The following KCNIP4 variants were observed in gnomAD, a reference collection of about 807,000 sequenced individuals.
KCNIP4 encodes the protein Kv channel-interacting protein 4.
Under a neutral mutation model 34.0 loss-of-function variants are expected in KCNIP4, and 12 were observed. The observed-to-expected ratio is 0.35, with a 90% confidence interval of 0.23 to 0.57. The LOEUF is 0.57. Ranked by LOEUF, KCNIP4 falls within the 20% of genes least tolerant of loss-of-function variation. The pLI is 0.83. For missense variants in KCNIP4, 238 were observed against 311.7 expected (o/e 0.76, Z 1.78); for synonymous variants, 124 against 102.2 (o/e 1.21, Z -1.29).
intron 1 of KCNIP4, among the ~76,000 whole-genome samples, chr4:21,188,050 T>C (rs1349014760): frequency 6.6e-6 from 1 of 152,204 alleles, no homozygotes; most frequent in Non-Finnish European, 1.5e-5. Flanking sequence ...AGAAAACTTT[T>C]ACAAATCATG....
chr4:21,517,357 A>T (rs1487729366), intron 1 of KCNIP4, among the ~76,000 whole-genome samples: 1 of 152,180 alleles, frequency 6.6e-6, no homozygotes, highest in African/African-American at 2.4e-5. Context: ...TAAATGACAC[A>T]GGAAAGAAAG....
intron 1 of KCNIP4, among the ~76,000 whole-genome samples, chr4:21,214,689 T>C (rs1757441075): frequency 6.6e-6 from 1 of 152,186 alleles, no homozygotes; most frequent in Admixed American, 6.5e-5. Context: ...GTTAAACCTC[T>C]TAATATAGAG....
intron 1 of KCNIP4, among the ~76,000 whole-genome samples, chr4:21,758,171 G>A (rs1405773855): frequency 6.6e-6 from 1 of 152,108 alleles, no homozygotes; most frequent in Non-Finnish European, 1.5e-5. Flanking sequence ...TAAAGTTTTG[G>A]GGTGCAATTT....
chr4:21,529,401 A>G (rs916263507), intron 1 of KCNIP4, among the ~76,000 whole-genome samples: 3 of 152,184 alleles, frequency 2.0e-5, no homozygotes, highest in African/African-American at 7.2e-5. Context: ...TGGTTAAAGC[A>G]CACTTCCTCA....
chr4:21,201,679 T>A (rs1298900509), intron 1 of KCNIP4, among the ~76,000 whole-genome samples: 1 of 152,114 alleles, frequency 6.6e-6, no homozygotes, highest in Non-Finnish European at 1.5e-5. Flanking sequence ...TTTGTGTTTT[T>A]AGTAGAGACA....
intron 1 of KCNIP4, among the ~76,000 whole-genome samples, chr4:20,998,667 C>T (rs913751293): frequency 9.9e-5 from 15 of 152,168 alleles, no homozygotes. Context: ...TTTTAATAGT[C>T]TGGCTTAAAA....
intron 1 of KCNIP4, among the ~76,000 whole-genome samples, chr4:21,855,204 TG>T (rs1384544324): frequency 2.6e-5 from 4 of 152,218 alleles, no homozygotes; most frequent in Admixed American, 1.3e-4. Flanking sequence ...GAATCACCCC[TG>T]TATCTCCGCT....
At chr4:21,483,101 T>G in intron 1 of KCNIP4, among the ~76,000 whole-genome samples, 2 of 135,202 alleles carry the variant, frequency 1.5e-5, no homozygotes, top group African/African-American at 2.7e-5. Context: ...GGGGGAGGGA[T>G]AGCATTAGGA....
At chr4:21,801,986 T>G (rs981455466) in intron 1 of KCNIP4, among the ~76,000 whole-genome samples, 1 of 151,268 alleles carries the variant, frequency 6.6e-6, no homozygotes, top group African/African-American at 2.4e-5. Context: ...TAATTTTAGG[T>G]GGGGTGCATA....
At chr4:20,934,185 G>C (rs1208054388) in intron 1 of KCNIP4, among the ~76,000 whole-genome samples, 2 of 152,064 alleles carry the variant, frequency 1.3e-5, no homozygotes, top group Non-Finnish European at 2.9e-5. Flanking sequence ...TGGATTTCTT[G>C]TCCTCCAACT....
chr4:21,103,534 T>A (rs1748156615), intron 1 of KCNIP4, among the ~76,000 whole-genome samples: 1 of 151,178 alleles, frequency 6.6e-6, no homozygotes, highest in Non-Finnish European at 1.5e-5. Context: ...CAAATATACT[T>A]CCCATAAAAT....
chr4:21,188,649 G>T (rs1755413645), intron 1 of KCNIP4, among the ~76,000 whole-genome samples: 1 of 152,130 alleles, frequency 6.6e-6, no homozygotes, highest in African/African-American at 2.4e-5. Context: ...AGTACTCTTT[G>T]AGAGATGAAC....
chr4:21,040,396 A>C (rs1741853975), intron 1 of KCNIP4, among the ~76,000 whole-genome samples: 1 of 152,178 alleles, frequency 6.6e-6, no homozygotes, highest in Non-Finnish European at 1.5e-5. Flanking sequence ...TGAACATCTT[A>C]AGGTGAACAA....
chr4:21,126,567 T>C (rs984556832), intron 1 of KCNIP4, among the ~76,000 whole-genome samples: 1 of 142,744 alleles, frequency 7.0e-6, no homozygotes, highest in Non-Finnish European at 1.5e-5. Context: ...ATTCAACTTT[T>C]TGACAATGAA....
chr4:21,580,829 T>C lies in KCNIP4; in HGVS notation c.61+367742A>G, dbSNP rs575073278. Among the ~76,000 whole-genome samples the C allele has an allele frequency of 6.6e-5, 10 of 152,100 alleles. No individual in the cohort carries two copies. In the East Asian group the frequency reaches 1.9e-3, roughly 29 times the overall value. ...CCATTAAAAACATGGTATACAGAAA[T>C]TGGATTTCCTTTCCTGAGTATTGCA... On this transcript the variant is annotated intron_variant, in intron 1 of 8. Coordinates refer to ENST00000382152, the MANE Select transcript of KCNIP4 (RefSeq NM_025221.6).
intron 3 of KCNIP4, among the ~76,000 whole-genome samples, chr4:20,808,558 T>C (rs933531391): frequency 6.6e-6 from 1 of 152,208 alleles, no homozygotes; most frequent in Non-Finnish European, 1.5e-5. Flanking sequence ...TTACATTTTA[T>C]CAGTAAATGT....
intron 1 of KCNIP4, among the ~76,000 whole-genome samples, chr4:21,309,511 A>C (rs937659567): frequency 6.6e-6 from 1 of 152,226 alleles, no homozygotes; most frequent in Non-Finnish European, 1.5e-5. Flanking sequence ...CTTAGTCTTC[A>C]CTAGCTTAAA....
chr4:21,884,655 A>C (rs763199851), intron 1 of KCNIP4, among the ~76,000 whole-genome samples: 4 of 152,176 alleles, frequency 2.6e-5, no homozygotes, highest in African/African-American at 4.8e-5. Flanking sequence ...GAGAGAATCC[A>C]TTAAGCAGGT....
chr4:21,282,570 T>A (rs181673600), intron 1 of KCNIP4, among the ~76,000 whole-genome samples: 8 of 152,308 alleles, frequency 5.3e-5, no homozygotes, highest in African/African-American at 7.2e-5. Context: ...CTACTTGAAG[T>A]CTATAAAATG....
Sources: allele counts gnomAD v4.1 joint callset (sites outside exome capture counted in the v4.1 genomes callset), GRCh38; gene constraint gnomAD v4.1.1; transcripts MANE v1.5; gene names NCBI Gene and HGNC (gene_info 2026-07-23, HGNC 2026-07-21).